Variants in VPS50 observed in about 807,000 individuals in gnomAD.
VPS50 encodes VPS50 subunit of EARP/GARPII complex, also known as syndetin.
In VPS50, 70 loss-of-function variants were observed where a neutral mutation model predicts 139.7. That is an observed-to-expected ratio of 0.50 (90% CI 0.41 to 0.61). The LOEUF is 0.61. Ranked by LOEUF, VPS50 falls within the 20% of genes least tolerant of loss-of-function variation. The pLI, the probability that VPS50 is intolerant of heterozygous loss-of-function variation, is 0.00. For missense variants in VPS50, 921 were observed against 1,133.7 expected (o/e 0.81, Z 2.69); for synonymous variants, 365 against 376.7 (o/e 0.97, Z 0.36).
intron 12 of VPS50, among the ~76,000 whole-genome samples, chr7:93,281,411 C>T (rs1313401929): frequency 1.3e-5 from 2 of 152,078 alleles, no homozygotes; most frequent in African/African-American, 4.8e-5. Flanking sequence ...CCTAAATCCT[C>T]AGGATTTTTG....
At chr7:93,283,800 A>G (rs1490263321) in intron 12 of VPS50, among the ~76,000 whole-genome samples, 1 of 152,170 alleles carries the variant, frequency 6.6e-6, no homozygotes, top group African/African-American at 2.4e-5. Context: ...AGGAAATATC[A>G]TGAGCAATGC....
chr7:93,334,035 A>G, intron 21 of VPS50, 82 bp from the exon 22 acceptor site: 1 of 826,708 alleles, frequency 1.2e-6, no homozygotes, highest in Non-Finnish European at 2.1e-6. Flanking sequence ...GTGAAAACTC[A>G]TCAAATATCT....
At chr7:93,254,967 G>T (rs1562852588) in intron 4 of VPS50, among the ~76,000 whole-genome samples, 2 of 152,024 alleles carry the variant, frequency 1.3e-5, no homozygotes, top group African/African-American at 4.8e-5. Context: ...CTGCTTGGAG[G>T]TAGCAGTGGT....
chr7:93,252,319 T>C (rs1253829080), intron 2 of VPS50, among the ~76,000 whole-genome samples: 1 of 152,182 alleles, frequency 6.6e-6, no homozygotes, highest in Non-Finnish European at 1.5e-5. Flanking sequence ...AATAGTAAAA[T>C]TTATATATCT....
intron 21 of VPS50, among the ~76,000 whole-genome samples, chr7:93,325,870 C>A (rs13310908): frequency 3.3e-5 from 5 of 150,158 alleles, no homozygotes; most frequent in African/African-American, 1.2e-4. Context: ...TAGTTCAACC[C>A]TTGTGGAAGT....
At chr7:93,338,253 T>G (rs1798118423) in intron 22 of VPS50, among the ~76,000 whole-genome samples, 1 of 152,172 alleles carries the variant, frequency 6.6e-6, no homozygotes, top group Admixed American at 6.5e-5. Context: ...CAATACATAT[T>G]GCATGCCTAG....
intron 25 of VPS50, among the ~76,000 whole-genome samples, chr7:93,351,821 C>G (rs1438038560): frequency 1.3e-5 from 2 of 152,168 alleles, no homozygotes; most frequent in Non-Finnish European, 2.9e-5. Flanking sequence ...AAAAAGATTT[C>G]TGTGCTCAAC....
chr7:93,324,849 G>A (rs1056364882), intron 21 of VPS50, among the ~76,000 whole-genome samples: 17 of 152,222 alleles, frequency 1.1e-4, no homozygotes, highest in Admixed American at 2.6e-4. Context: ...AATCAATATC[G>A]TGAAAATGGC....
At chr7:93,265,415 A>C (rs74298905) in intron 9 of VPS50, among the ~76,000 whole-genome samples, 2 of 152,162 alleles carry the variant, frequency 1.3e-5, no homozygotes, top group East Asian at 3.9e-4. Flanking sequence ...ATGTTCTACT[A>C]AAACTTTATT....
chr7:93,313,582 C>T (rs551604499), intron 20 of VPS50, among the ~76,000 whole-genome samples: 121 of 152,130 alleles, frequency 8.0e-4, no homozygotes, highest in Non-Finnish European at 1.4e-3. Flanking sequence ...ATACCACTAT[C>T]CTCGTTATCT....
chr7:93,308,220 G>T (rs957813800), intron 18 of VPS50, among the ~76,000 whole-genome samples: 4 of 151,754 alleles, frequency 2.6e-5, no homozygotes, highest in Non-Finnish European at 5.9e-5. Flanking sequence ...TGCTGGCATT[G>T]GGCCATGGTG....
Position 93,253,869 on chromosome 7 carries a change from C to A in VPS50, c.235C>A (p.Pro79Thr). The A allele has an allele frequency of 6.3e-7, 1 of 1,588,152 alleles. No homozygotes were observed. The highest frequency in any genetic ancestry group is 1.1e-5 in the South Asian group (1 of 89,296). ...IVKYELEKLP[P>T]VLNLQELEAY... The stretch of plus-strand genomic sequence containing the variant: ...GAATTTTTTTCTGTAGAAGCTTCCA[C>A]CTGTTCTCAATTTGCAAGAATTAGA... Residue 79 changes from proline (P) to threonine (T), a missense_variant, in exon 4 of 28, where the codon CCT (proline) becomes ACT (threonine). Coordinates refer to ENST00000305866, the MANE Select transcript of VPS50 (RefSeq NM_017667.4).
chr7:93,307,150 C>T (rs1221029552), intron 18 of VPS50, among the ~76,000 whole-genome samples: 2 of 151,896 alleles, frequency 1.3e-5, no homozygotes, highest in Admixed American at 1.3e-4. Flanking sequence ...TGAACCATTA[C>T]TCCCAGAGCA....
At chr7:93,274,210 G>A (rs1796088842) in intron 11 of VPS50, among the ~76,000 whole-genome samples, 1 of 152,072 alleles carries the variant, frequency 6.6e-6, no homozygotes, top group Admixed American at 6.6e-5. Flanking sequence ...AGATGGCTAT[G>A]CTAAAGACAG....
intron 18 of VPS50, among the ~76,000 whole-genome samples, chr7:93,307,514 G>A (rs1347180048): frequency 1.3e-5 from 2 of 151,884 alleles, no homozygotes; most frequent in East Asian, 3.8e-4. Context: ...GAACATGCAT[G>A]TTGGATGACT....
chr7:93,343,089 A>T (rs2117065484), intron 23 of VPS50, among the ~76,000 whole-genome samples: 1 of 152,312 alleles, frequency 6.6e-6, no homozygotes, highest in East Asian at 1.9e-4. Context: ...CTTTGAAAAA[A>T]ATTTAGACGA....
chr7:93,260,867 T>C (rs1346563041), intron 9 of VPS50, among the ~76,000 whole-genome samples: 2 of 152,168 alleles, frequency 1.3e-5, no homozygotes, highest in Non-Finnish European at 2.9e-5. Context: ...GGCTAATTTT[T>C]GTATTTTTAG....
intron 23 of VPS50, among the ~76,000 whole-genome samples, chr7:93,348,099 C>T (rs912481096): frequency 5.3e-5 from 8 of 151,978 alleles, no homozygotes; most frequent in African/African-American, 1.9e-4. Context: ...TCCAATATAA[C>T]ATAAGAGTTT....
intron 1 of VPS50, among the ~76,000 whole-genome samples, chr7:93,238,764 T>C (rs1003211317): frequency 3.9e-5 from 6 of 152,106 alleles, no homozygotes; most frequent in Non-Finnish European, 7.4e-5. Flanking sequence ...CTTTGGAGCA[T>C]AGGGATTTAG....
Sources: gnomAD v4.1 joint callset for allele counts (sites outside exome capture counted in the v4.1 genomes callset) on GRCh38, gnomAD v4.1.1 for gene constraint, MANE v1.5 for transcripts, NCBI Gene and HGNC (gene_info 2026-07-23, HGNC 2026-07-21) for gene names.